MINAR1: variants seen among roughly 807,000 people sequenced by gnomAD.
MINAR1 encodes the protein major intrinsically disordered Notch2-binding receptor 1.
Under a neutral mutation model 65.1 loss-of-function variants are expected in MINAR1, and 40 were observed. The observed-to-expected ratio is 0.61, with a 90% CI of 0.48 to 0.80. MINAR1 has a LOEUF of 0.80. MINAR1 is among the 30% of genes least tolerant of loss of function. MINAR1 has a pLI of 0.00. For synonymous variants in MINAR1, 482 were observed against 449.1 expected (o/e 1.07, Z -0.93); for missense variants, 1,128 against 1,148.0 (o/e 0.98, Z 0.25).
At position 79,456,192 on chromosome 15, in the gene MINAR1, G is replaced by A; in HGVS notation, c.45G>A (p.Leu15=). The change falls in exon 2 of 4, where the codon TTG becomes TTA. Residue 15 remains leucine (L), a synonymous_variant. Coordinates refer to ENST00000305428, the MANE Select transcript of MINAR1 (RefSeq NM_015206.3). ...QETSLFLVKI[L]EELDSKQNTV... The stretch of plus-strand genomic sequence containing the variant: ...CTTCCCTCTTCTTGGTGAAGATCTT[G>A]GAGGAACTGGACAGCAAGCAAAATA... The A allele has an allele frequency of 6.2e-7, 1 of 1,614,028 alleles. No homozygotes were observed.
In MINAR1 at chr15:79,456,640, G is replaced by A. The variant is rs369889937; in HGVS notation, c.493G>A (p.Asp165Asn). The A allele has an allele frequency of 1.2e-6, 2 of 1,614,056 alleles. No individual in the cohort carries two copies. Among genetic ancestry groups the A allele is most frequent in the Admixed American group, 1.7e-5 (1 of 60,004 alleles). The stretch of plus-strand genomic sequence containing the variant: ...CAAGTGCCGGAAGATGGACTGCAAG[G>A]ACTGCCCACAGTTTGTCCCTGCCTC... ...SSKCRKMDCK[D>N]CPQFVPASEP... Residue 165 changes from aspartate (D) to asparagine (N), a missense_variant, in exon 2 of 4, where the codon GAC (aspartate) becomes AAC (asparagine). Physicochemically the swap from Asp to Asn is conservative, Grantham distance 23 (BLOSUM62 1). Coordinates refer to ENST00000305428, the MANE Select transcript of MINAR1 (RefSeq NM_015206.3).
At chr15:79,459,195 A>G (rs897330330) in intron 2 of MINAR1, among the ~76,000 whole-genome samples, 1 of 152,166 alleles carries the variant, frequency 6.6e-6, no homozygotes, top group African/African-American at 2.4e-5. Flanking sequence ...AAAAGATAAG[A>G]AAGTCATTCA....
intron 1 of MINAR1, among the ~76,000 whole-genome samples, chr15:79,446,018 ATTAG>A (rs1353104830): frequency 6.6e-6 from 1 of 152,120 alleles, no homozygotes; most frequent in African/African-American, 2.4e-5. Context: ...TGTGATATTA[ATTAG>A]TTATACTTTG....
intron 2 of MINAR1, among the ~76,000 whole-genome samples, chr15:79,461,386 T>G (rs530545125): frequency 3.3e-5 from 5 of 152,336 alleles, no homozygotes; most frequent in African/African-American, 9.6e-5. Flanking sequence ...AGCAGAGTGG[T>G]GGACACATAG....
the MINAR1 span, chr15:79,416,647 A>G: frequency 6.6e-6 from 1 of 152,200 alleles, no homozygotes; most frequent in African/African-American, 2.4e-5. Flanking sequence ...AATCTGAGCT[A>G]TTGAAGGGCG....
rs529844948 is a variant in MINAR1 at position 79,433,253 on chromosome 15, C to T, written c.-51+713C>T. Among the ~76,000 whole-genome samples the T allele has an allele frequency of 2.6e-5, 4 of 152,264 alleles. No homozygotes were observed. The South Asian group carries it at 8.3e-4, about 32-fold the overall frequency. On this transcript the variant is annotated intron_variant, in intron 1 of 3. Transcript: ENST00000305428. The stretch of plus-strand genomic sequence containing the variant: ...TCAGAGTAGTCATTTGTCCCCTCGC[C>T]GGCGGTGCGGGGAGCGTAACATTTG...
upstream of MINAR1, among the ~76,000 whole-genome samples, chr15:79,428,183 C>G (rs1894354327): frequency 7.2e-6 from 1 of 139,556 alleles, no homozygotes; most frequent in Non-Finnish European, 1.6e-5. Context: ...CTTCCTCCCT[C>G]CCTCCCCTCC....
chr15:79,411,444 C>T, the MINAR1 span: 2 of 702,430 alleles, frequency 2.8e-6, no homozygotes, highest in African/African-American at 3.5e-5. Context: ...AGATGGTCGA[C>T]TATATGCAGC....
the MINAR1 span, chr15:79,419,178 G>C: frequency 6.6e-6 from 1 of 152,360 alleles, no homozygotes; most frequent in East Asian, 1.9e-4. Context: ...GCAAGACCTC[G>C]CAGGAAAAGG....
the MINAR1 span, chr15:79,411,498 C>T: frequency 2.8e-6 from 2 of 702,314 alleles, no homozygotes; most frequent in South Asian, 1.5e-5. Flanking sequence ...GACTGGCACC[C>T]TCCTAACAGA....
At chr15:79,424,454 C>T in the MINAR1 span, 4 of 152,364 alleles carry the variant, frequency 2.6e-5, no homozygotes, top group East Asian at 1.9e-4. Flanking sequence ...CTCTGAACGA[C>T]GTGGTGAAGT....
chr15:79,430,091 C>CTCTGTTCGGT, upstream of MINAR1, among the ~76,000 whole-genome samples: 1 of 152,202 alleles, frequency 6.6e-6, no homozygotes, highest in African/African-American at 2.4e-5. Context: ...CACCACTAGC[C>CTCTGTTCGGT]AACTCTGGCT....
Position 79,471,366 on chromosome 15 carries a change from T to TAATC in MINAR1, c.*2984_*2987dup, listed in dbSNP as rs1896072869. The TAATC allele has an allele frequency of 6.5e-6, 1 of 152,672 alleles. No homozygotes were observed. The highest frequency in any genetic ancestry group is 1.5e-5 in the Non-Finnish European group (1 of 68,052). The allele number at this position is 152,672 out of a possible 1,614,324, so 9.5% of individuals were successfully genotyped here. On this transcript the variant is annotated 3_prime_UTR_variant, in exon 4 of 4. Coordinates refer to ENST00000305428, the MANE Select transcript of MINAR1 (RefSeq NM_015206.3). ...TTCATAATCATTTCATCTTCTTTCATAATCATTTCATCTTCTAATCTGAAT... is the reference window on the plus strand; with the variant it reads ...TTCATAATCATTTCATCTTCTTTCATAATCAATCATTTCATCTTCTAATCTGAAT...
At chr15:79,466,451 TCCCATAAATCTTTA>T (rs1264495840) in intron 3 of MINAR1, among the ~76,000 whole-genome samples, 1 of 152,236 alleles carries the variant, frequency 6.6e-6, no homozygotes, top group African/African-American at 2.4e-5. Context: ...GTGGCTGTGT[TCCCATAAATCTTTA>T]TTTTTGGACA....
rs956197113 is a variant in MINAR1, at chr15:79,469,913, T to A, written c.*1529T>A. On this transcript the variant is annotated 3_prime_UTR_variant, in exon 4 of 4. Coordinates refer to ENST00000305428, the MANE Select transcript of MINAR1 (RefSeq NM_015206.3). ...GAGAGCATCTCAATTTTTAAAGCAATAGGAGTCTAGCATCCATTCTGAAAA... is the reference window on the plus strand; with the variant it reads ...GAGAGCATCTCAATTTTTAAAGCAAAAGGAGTCTAGCATCCATTCTGAAAA... The A allele has an allele frequency of 1.3e-5, 2 of 152,654 alleles. No homozygotes were observed. The highest frequency in any genetic ancestry group is 4.8e-5 in the African/African-American group (2 of 41,448). The allele number at this position is 152,654 out of a possible 1,614,324, so 9.5% of individuals were successfully genotyped here.
chr15:79,450,560 G>A (rs1895158531), intron 1 of MINAR1, among the ~76,000 whole-genome samples: 1 of 151,250 alleles, frequency 6.6e-6, no homozygotes, highest in South Asian at 2.1e-4. Flanking sequence ...GCTGAATAAT[G>A]AACCCCACAG....
Position 79,463,148 on chromosome 15 carries a change from A to G in MINAR1, c.2380A>G (p.Ser794Gly). Residue 794 changes from serine (S) to glycine (G), a missense_variant, in exon 3 of 4, where the codon AGC becomes GGC. Physicochemically the swap from Ser to Gly is moderately conservative, Grantham distance 56. Coordinates refer to ENST00000305428, the MANE Select transcript of MINAR1 (RefSeq NM_015206.3). ...TGGCTTCCTGGTGGAGCAGGTGTTC[A>G]GCCCTCACCCCTACCCTGCCTCCCT... Reference protein sequence around the residue: ...KDGFLVEQVFSPHPYPASLKA... With the variant: ...KDGFLVEQVFGPHPYPASLKA... 2 of 1,614,214 alleles carry G rather than the reference A, an allele frequency of 1.2e-6. No homozygotes were observed. The highest frequency in any genetic ancestry group is 1.7e-6 in the Non-Finnish European group (2 of 1,180,048).
chr15:79,420,502 A>G, the MINAR1 span: 1 of 152,240 alleles, frequency 6.6e-6, no homozygotes, highest in Non-Finnish European at 1.5e-5. Context: ...TGGTCCCTCT[A>G]GAGATACCAG....
Position 79,457,173 on chromosome 15 carries a change from C to T in MINAR1, c.1026C>T (p.Pro342=), listed in dbSNP as rs1895459698. Residue 342 remains proline (P), a synonymous_variant, in exon 2 of 4, where the codon CCC becomes CCT. Transcript: ENST00000305428. ...DDLQASTYFG[P]TPVMGTQEAR... ...TTCAAGCCTCTACATATTTTGGGCC[C>T]ACTCCCGTGATGGGAACCCAAGAAG... The T allele has an allele frequency of 6.2e-7, 1 of 1,614,018 alleles. No individual in the cohort carries two copies. Among genetic ancestry groups the T allele is most frequent in the Admixed American group, 1.7e-5 (1 of 59,994 alleles).
Sources: allele counts gnomAD v4.1 joint callset (sites outside exome capture counted in the v4.1 genomes callset), GRCh38; gene constraint gnomAD v4.1.1; transcripts MANE v1.5; gene names NCBI Gene and HGNC (gene_info 2026-07-23, HGNC 2026-07-21).